Variants in NKIRAS1 observed in about 807,000 individuals in gnomAD.
NKIRAS1 encodes NFKB inhibitor interacting Ras like 1, also known as NF-kappa-B inhibitor-interacting Ras-like protein 1.
NKIRAS1 carries 16 observed loss-of-function variants against 19.8 expected under a neutral mutation model. The ratio of observed to expected loss-of-function variants is 0.81; its 90% CI spans 0.55 to 1.23. The LOEUF is 1.23. Ranked by LOEUF, NKIRAS1 falls within the 50% of genes most tolerant of loss-of-function variation. The probability of loss-of-function intolerance (pLI) is 0.00; values close to 1 mark genes in which losing one functional copy is unlikely to be tolerated. For synonymous variants in NKIRAS1, 88 were observed against 79.0 expected, an observed-to-expected ratio of 1.11 and a Z score of -0.61; for missense variants, 184 against 220.0, an observed-to-expected ratio of 0.84 and a Z score of 1.04.
intron 1 of NKIRAS1, among the ~76,000 whole-genome samples, chr3:23,929,735 C>A (rs1008952153): frequency 5.3e-5 from 8 of 152,178 alleles, no homozygotes; most frequent in African/African-American, 1.7e-4. Flanking sequence ...AGCCCCTGCA[C>A]CCAACCTCTA....
intron 4 of NKIRAS1, among the ~76,000 whole-genome samples, chr3:23,896,579 C>G (rs1702017944): frequency 6.6e-6 from 1 of 151,820 alleles, no homozygotes; most frequent in Non-Finnish European, 1.5e-5. Flanking sequence ...TGCCACTGCA[C>G]TCTAGCGTGG....
rs1162286893 is a variant in NKIRAS1, at chr3:23,927,109, GCAGTGAACATCATCACTATA to G, written c.-139-15679_-139-15660del. On this transcript the variant is annotated intron_variant, in intron 1 of 4. Coordinates refer to the NKIRAS1 transcript ENST00000421515. This position sits in a 1 kb window ranked among gnomAD's most constrained non-coding sequence, Gnocchi z 4.0. ...GATTTTAGTTATTCTTATTAATGAT[GCAGTGAACATCATCACTATA>G]CATATAGTTTTCAACCTATTTTTAT... 6.6e-6 allele frequency among the ~76,000 whole-genome samples: 1 copy of G among 152,146 alleles called. No homozygotes were observed. Among genetic ancestry groups the G allele is most frequent in the Non-Finnish European group, 1.5e-5 (1 of 68,028 alleles).
At chr3:23,920,767 A>C, upstream of NKIRAS1, 1 of 970,636 alleles carries the variant, frequency 1.0e-6, no homozygotes, top group Non-Finnish European at 1.2e-6. Flanking sequence ...TCACAAAAAA[A>C]GAAAAGATCT....
At chr3:23,894,847 C>A (rs1017948313) in intron 4 of NKIRAS1, among the ~76,000 whole-genome samples, 5 of 152,192 alleles carry the variant, frequency 3.3e-5, no homozygotes, top group African/African-American at 1.2e-4. Context: ...GGCCGGCCCC[C>A]CAACTGCTCC....
rs1705118686 is a variant in NKIRAS1, at chr3:23,922,348, C to T, written c.-139-10898G>A. 6.6e-6 allele frequency: 1 copy of T among 152,230 alleles called. No homozygotes were observed. Among genetic ancestry groups the T allele is most frequent in the Non-Finnish European group, 1.5e-5 (1 of 68,038 alleles). 9.4% of individuals were successfully genotyped at this position (152,230 alleles called of 1,614,324 possible). A position where few individuals can be genotyped will look rare whatever the true frequency, so the allele number is the denominator to read the frequency against. On this transcript the variant is annotated intron_variant, in intron 1 of 4. Coordinates refer to the NKIRAS1 transcript ENST00000421515. This position sits in a 1 kb window ranked among gnomAD's most constrained non-coding sequence, Gnocchi z 4.2. ...AAAGATGAAGCAACTTGCTCAAAGTCATACAGTGACAGTCTGAATTCAAAT... is the reference window on the plus strand; with the variant it reads ...AAAGATGAAGCAACTTGCTCAAAGTTATACAGTGACAGTCTGAATTCAAAT...
At chr3:23,935,397 C>T (rs1705376156) in intron 1 of NKIRAS1, among the ~76,000 whole-genome samples, 2 of 149,584 alleles carry the variant, frequency 1.3e-5, no homozygotes, top group Non-Finnish European at 3.0e-5. Flanking sequence ...AAAAATTGAT[C>T]AACGAATCAA....
intron 1 of NKIRAS1, chr3:23,916,407 T>C (rs986636998): frequency 2.6e-5 from 4 of 152,248 alleles, no homozygotes. Context: ...ATAAACATTC[T>C]GCTCTTCTGA....
chr3:23,945,838 A>T (rs1222684367), intron 1 of NKIRAS1, among the ~76,000 whole-genome samples: 3 of 149,450 alleles, frequency 2.0e-5, no homozygotes, highest in African/African-American at 4.9e-5. Context: ...CCCCCCTCAC[A>T]TGGCCCGGCC....
At chr3:23,944,676 T>TTTC (rs1336240130) in intron 1 of NKIRAS1, among the ~76,000 whole-genome samples, 1 of 152,114 alleles carries the variant, frequency 6.6e-6, no homozygotes, top group East Asian at 1.9e-4. Flanking sequence ...AATCTGGAGA[T>TTTC]TAGAAGAGAG....
chr3:23,942,022 A>G (rs944926877), intron 1 of NKIRAS1, among the ~76,000 whole-genome samples: 5 of 151,796 alleles, frequency 3.3e-5, no homozygotes, highest in Admixed American at 2.6e-4. Flanking sequence ...TCTGTTGCCT[A>G]GGCTGGAGTG....
rs529987886 is a variant in NKIRAS1, at chr3:23,909,183, A to G, written c.94+1628T>C. Among the ~76,000 whole-genome samples, 79 of 152,338 alleles carry G rather than the reference A, an allele frequency of 5.2e-4. No homozygotes were observed. The South Asian group carries it at 9.7e-3, about 19-fold the overall frequency. ...AACCACAATTGTTAAACATTATTTT[A>G]GAAAGCTAGAAGAGAAGCAGAGCAC... is the stretch of plus-strand genomic sequence containing the variant. On this transcript the variant is annotated intron_variant, in intron 3 of 4. Coordinates refer to ENST00000425478, the MANE Select transcript of NKIRAS1 (RefSeq NM_020345.4).
At position 23,891,609 on chromosome 3, in the gene NKIRAS1, A is replaced by C. The variant is rs1368290029; in HGVS notation, c.*1486T>G. 6.6e-6 allele frequency: 1 copy of C among 152,224 alleles called. No individual in the cohort carries two copies. The highest frequency in any genetic ancestry group is 6.5e-5 in the Admixed American group (1 of 15,284). The allele number at this position is 152,224 out of a possible 1,614,324, so 9.4% of individuals were successfully genotyped here. ...AAGTACATGAGAAATGGGTTCCGTCATGGATAAATTGGTACCCTGCCTTAG... is the reference window on the plus strand; with the variant it reads ...AAGTACATGAGAAATGGGTTCCGTCCTGGATAAATTGGTACCCTGCCTTAG... On this transcript the variant is annotated 3_prime_UTR_variant, in exon 5 of 5. Coordinates refer to ENST00000425478, the MANE Select transcript of NKIRAS1 (RefSeq NM_020345.4).
intron 1 of NKIRAS1, among the ~76,000 whole-genome samples, chr3:23,914,753 A>G (rs1012045006): frequency 2.6e-5 from 4 of 152,258 alleles, no homozygotes; most frequent in Non-Finnish European, 4.4e-5. Flanking sequence ...CTGAGAAACT[A>G]CAAATTGAGA....
At chr3:23,897,760 C>T (rs531091833) in intron 4 of NKIRAS1, among the ~76,000 whole-genome samples, 1 of 152,284 alleles carries the variant, frequency 6.6e-6, no homozygotes, top group South Asian at 2.1e-4. Flanking sequence ...CACCCTCATT[C>T]CCCATTCTGC....
intron 4 of NKIRAS1, among the ~76,000 whole-genome samples, chr3:23,900,222 T>C (rs1702375554): frequency 6.6e-6 from 1 of 152,120 alleles, no homozygotes; most frequent in African/African-American, 2.4e-5. Context: ...AAATGAATTA[T>C]GTAGTACTTG....
rs1242873532 is a variant in NKIRAS1 at position 23,896,680 on chromosome 3, A to C, written c.337-3343T>G. Among the ~76,000 whole-genome samples, 4 of 151,308 alleles carry C rather than the reference A, an allele frequency of 2.6e-5. No individual in the cohort carries two copies. In the East Asian group the frequency reaches 5.8e-4, roughly 22 times the overall value. On this transcript the variant is annotated intron_variant, in intron 4 of 4. Coordinates refer to ENST00000425478, the MANE Select transcript of NKIRAS1 (RefSeq NM_020345.4). ...ATACATTAGTTACCAAGAAAAAAAAACAGGGGTGGGTGGATGGGTGTGGTG... is the reference window on the plus strand; with the variant it reads ...ATACATTAGTTACCAAGAAAAAAAACCAGGGGTGGGTGGATGGGTGTGGTG...
chr3:23,893,437 T>G, intron 4 of NKIRAS1, 100 bp from the exon 5 acceptor site: 1 of 980,154 alleles, frequency 1.0e-6, no homozygotes, highest in Non-Finnish European at 1.5e-6. Context: ...TTAACAAACC[T>G]GCTTCATTAA....
upstream of NKIRAS1, chr3:23,921,580 T>TG: frequency 1.5e-6 from 1 of 674,264 alleles, no homozygotes; most frequent in East Asian, 2.7e-5. Flanking sequence ...GTTTTTTTTT[T>TG]TTTTTTTTTT....
chr3:23,901,597 T>C (rs1280544282), intron 3 of NKIRAS1, among the ~76,000 whole-genome samples: 1 of 152,232 alleles, frequency 6.6e-6, no homozygotes, highest in East Asian at 1.9e-4. Context: ...GCAAGTTTTA[T>C]CTCTTCAACT....
Sources: allele counts gnomAD v4.1 joint callset (sites outside exome capture counted in the v4.1 genomes callset), GRCh38; gene constraint gnomAD v4.1.1; non-coding constraint Gnocchi (gnomAD v3.1); transcripts MANE v1.5; gene names NCBI Gene and HGNC (gene_info 2026-07-23, HGNC 2026-07-21).